PLXNA2: variants seen among roughly 807,000 people sequenced by gnomAD.
PLXNA2 encodes plexin-A2.
Under a neutral mutation model 193.5 loss-of-function variants are expected in PLXNA2, and 91 were observed. That is an observed-to-expected ratio of 0.47 (90% CI 0.40 to 0.56). PLXNA2 has a LOEUF of 0.56. Ranked by LOEUF, PLXNA2 falls within the 20% of genes least tolerant of loss-of-function variation. PLXNA2 has a pLI of 0.00. For synonymous variants in PLXNA2, 997 were observed against 1,027.3 expected, an observed-to-expected ratio of 0.97 and a Z score of 0.56; for missense variants, 1,995 against 2,503.2, an observed-to-expected ratio of 0.80 and a Z score of 4.33.
chr1:208,027,996 G>T lies in PLXNA2; in HGVS notation c.5589+13C>A, dbSNP rs775651275. 50 of 1,552,510 alleles carry T rather than the reference G, an allele frequency of 3.2e-5. No homozygotes were observed. In the East Asian group the frequency reaches 1.0e-3, roughly 32 times the overall value. Reference sequence around the variant, plus strand: ...GCCTGTTGGTTTCTGTCCCTGCTGGGGCCCTGTCTCACCTCCTCACTATAC... The same window carrying T: ...GCCTGTTGGTTTCTGTCCCTGCTGGTGCCCTGTCTCACCTCCTCACTATAC... On this transcript the variant is annotated intron_variant, in intron 31 of 31. Transcript: ENST00000367033.
intron 3 of PLXNA2, among the ~76,000 whole-genome samples, chr1:208,176,844 T>G (rs775306844): frequency 2.0e-5 from 3 of 152,230 alleles, no homozygotes; most frequent in Non-Finnish European, 2.9e-5. Context: ...TCAGCTGCTT[T>G]CCCTTTTTGC....
chr1:208,120,922 G>T (rs1667787642), intron 4 of PLXNA2, among the ~76,000 whole-genome samples: 1 of 152,106 alleles, frequency 6.6e-6, no homozygotes, highest in Non-Finnish European at 1.5e-5. Flanking sequence ...GTGAAAAGTG[G>T]CCTGGGCATG....
Position 208,096,102 on chromosome 1 carries a change from G to A in PLXNA2, c.1909C>T (p.Leu637=). 1 of 1,614,096 alleles carries A rather than the reference G, an allele frequency of 6.2e-7. No homozygotes were observed. Among genetic ancestry groups the A allele is most frequent in the Admixed American group, 1.7e-5 (1 of 60,020 alleles). The stretch of plus-strand genomic sequence containing the variant: ...ATCTTCCCTGTCTCCTTGGACCTCA[G>A]CTGTAGCTCCAGCCCAAACCAGTCT... ...DQDWFGLELQ[L]RSKETGKIFV... The change falls in exon 8 of 32, where the codon CTG becomes TTG. Residue 637 remains leucine (L), a synonymous_variant. Coordinates refer to ENST00000367033, the MANE Select transcript of PLXNA2 (RefSeq NM_025179.4).
chr1:208,040,820 G>C (rs72739450), intron 22 of PLXNA2, among the ~76,000 whole-genome samples: 56 of 152,344 alleles, frequency 3.7e-4, no homozygotes, highest in Non-Finnish European at 5.7e-4. Context: ...TTTGCCAACA[G>C]GGGATTTGCT....
chr1:208,058,420 T>C (rs1463866312), intron 13 of PLXNA2, among the ~76,000 whole-genome samples: 1 of 152,220 alleles, frequency 6.6e-6, no homozygotes, highest in East Asian at 1.9e-4. Flanking sequence ...ATCATTACCG[T>C]GCTGGCGAAT....
intron 22 of PLXNA2, 102 bp from the exon 23 acceptor site, chr1:208,040,160 G>C: frequency 1.1e-6 from 1 of 907,864 alleles, no homozygotes; most frequent in Non-Finnish European, 1.8e-6. Context: ...ATGGAGCATG[G>C]GAGAACGCAG....
At chr1:208,208,579 TG>T (rs1670815691) in intron 3 of PLXNA2, among the ~76,000 whole-genome samples, 1 of 152,224 alleles carries the variant, frequency 6.6e-6, no homozygotes, top group Non-Finnish European at 1.5e-5. Flanking sequence ...GCATGACCCC[TG>T]CCTTTCACAG....
At chr1:208,122,016 G>A (rs1029714774) in intron 4 of PLXNA2, among the ~76,000 whole-genome samples, 40 of 152,162 alleles carry the variant, frequency 2.6e-4, no homozygotes, top group African/African-American at 9.4e-4. Flanking sequence ...GCACACAACT[G>A]TGAGAAGAAA....
intron 7 of PLXNA2, 150 bp from the exon 8 acceptor site, chr1:208,096,275 C>T (rs1666884574): frequency 1.5e-6 from 1 of 656,344 alleles, no homozygotes; most frequent in Admixed American, 2.6e-5. Context: ...CGTCTCTTCT[C>T]CTCCCAAGGA....
chr1:208,211,956 G>A (rs568812417), intron 2 of PLXNA2, among the ~76,000 whole-genome samples: 4 of 152,222 alleles, frequency 2.6e-5, no homozygotes, highest in African/African-American at 4.8e-5. Context: ...TGCTCAGCAC[G>A]GGGCTGGGTC....
intron 12 of PLXNA2, among the ~76,000 whole-genome samples, chr1:208,077,929 T>C (rs140205063): frequency 6.6e-6 from 1 of 152,254 alleles, no homozygotes; most frequent in East Asian, 1.9e-4. Context: ...CCCTGCATTG[T>C]CCGGGATATG....
rs1664352158 is a variant in PLXNA2, at chr1:208,026,706, A to G, written c.*537T>C. 6.8e-6 allele frequency: 1 copy of G among 147,958 alleles called. No homozygotes were observed. The highest frequency in any genetic ancestry group is 2.5e-5 in the African/African-American group (1 of 39,706). The allele number at this position is 147,958 out of a possible 1,614,324, so 9.2% of individuals were successfully genotyped here. Reference sequence around the variant, plus strand: ...AAAGGAGACAGTCATTTTCTCTCCAATGTCTCTCAGCATCTCTGCTTTCTC... The same window carrying G: ...AAAGGAGACAGTCATTTTCTCTCCAGTGTCTCTCAGCATCTCTGCTTTCTC... On this transcript the variant is annotated 3_prime_UTR_variant, in exon 32 of 32. Transcript: ENST00000367033.
At chr1:208,238,733 A>T (rs1671947405) in intron 1 of PLXNA2, among the ~76,000 whole-genome samples, 1 of 142,872 alleles carries the variant, frequency 7.0e-6, no homozygotes, top group Admixed American at 6.7e-5. Context: ...AAGCTCTTTT[A>T]AAAAAAAGTC....
At chr1:208,112,559 G>T (rs574691930) in intron 4 of PLXNA2, among the ~76,000 whole-genome samples, 1 of 152,212 alleles carries the variant, frequency 6.6e-6, no homozygotes, top group African/African-American at 2.4e-5. Flanking sequence ...TCTAGATGCA[G>T]ACCCCACTGA....
At chr1:208,074,107 C>T (rs932173082) in intron 12 of PLXNA2, among the ~76,000 whole-genome samples, 8 of 152,216 alleles carry the variant, frequency 5.3e-5, no homozygotes, top group Non-Finnish European at 1.0e-4. Context: ...CCTTTACCCT[C>T]CCTGAGTTTA....
intron 4 of PLXNA2, among the ~76,000 whole-genome samples, chr1:208,133,217 G>A (rs751019485): frequency 3.3e-5 from 5 of 152,132 alleles, no homozygotes; most frequent in Non-Finnish European, 5.9e-5. Context: ...GGTGGTATGC[G>A]TTTATGAGTT....
intron 3 of PLXNA2, among the ~76,000 whole-genome samples, chr1:208,151,565 T>C (rs61257181): frequency 0.11 from 16,689 of 152,218 alleles, 1,130 homozygotes; most frequent in East Asian, 0.31. Context: ...AAACTAGCAC[T>C]TCCTGGGACT....
intron 3 of PLXNA2, among the ~76,000 whole-genome samples, chr1:208,179,778 T>C (rs1669778185): frequency 6.6e-6 from 1 of 152,156 alleles, no homozygotes; most frequent in Admixed American, 6.5e-5. Context: ...CTGTACTCTC[T>C]CCTGCTGCCC....
intron 3 of PLXNA2, among the ~76,000 whole-genome samples, chr1:208,179,996 T>A (rs1291572100): frequency 6.6e-6 from 1 of 152,114 alleles, no homozygotes; most frequent in Non-Finnish European, 1.5e-5. Flanking sequence ...ACCCAAGCCC[T>A]GGGTCTCTCC....
Sources: allele counts gnomAD v4.1 joint callset (sites outside exome capture counted in the v4.1 genomes callset), GRCh38; gene constraint gnomAD v4.1.1; transcripts MANE v1.5; gene names NCBI Gene and HGNC (gene_info 2026-07-23, HGNC 2026-07-21).